The following FAM234A variants were observed in gnomAD, a reference collection of about 807,000 sequenced individuals.
The protein encoded by FAM234A is family with sequence similarity 234 member A, also known as protein FAM234A.
A neutral mutation model predicts 49.1 loss-of-function variants in FAM234A; 42 were observed. That is an observed-to-expected ratio of 0.86 (90% confidence interval 0.67 to 1.11). The LOEUF (loss-of-function observed/expected upper bound fraction) is 1.11, where lower values mean the gene tolerates loss of function less well. Ranked by LOEUF, FAM234A falls within the 50% of genes least tolerant of loss-of-function variation. The probability of loss-of-function intolerance (pLI) is 0.00; values close to 1 mark genes in which losing one functional copy is unlikely to be tolerated. For synonymous variants in FAM234A, 369 were observed against 316.2 expected (o/e 1.17, Z -1.77); for missense variants, 815 against 745.2 (o/e 1.09, Z -1.09).
intron 1 of FAM234A, among the ~76,000 whole-genome samples, chr16:242,762 A>G (rs1208162360): frequency 2.0e-5 from 3 of 151,484 alleles, no homozygotes; most frequent in Admixed American, 6.6e-5. Context: ...ACTGATGCAC[A>G]TCACCACGCC....
At chr16:266,911 C>T (rs543995413), downstream of FAM234A, among the ~76,000 whole-genome samples, 3 of 152,184 alleles carry the variant, frequency 2.0e-5, no homozygotes, top group South Asian at 2.1e-4. Context: ...GGCAGGGGGT[C>T]CCCAAAGGGA....
At chr16:241,495 G>A (rs575804072) in intron 1 of FAM234A, among the ~76,000 whole-genome samples, 5 of 151,214 alleles carry the variant, frequency 3.3e-5, no homozygotes, top group South Asian at 2.1e-4. Context: ...AGCCTGAGGC[G>A]GGAGGATCTC....
intron 3 of FAM234A, among the ~76,000 whole-genome samples, chr16:258,174 ATTG>A (rs1248746657): frequency 6.6e-5 from 6 of 91,058 alleles, no homozygotes; most frequent in African/African-American, 2.7e-4. Context: ...TTTTTTTTTT[ATTG>A]ATCATTCTTG....
chr16:259,256 A>G (rs1330088935), intron 3 of FAM234A, among the ~76,000 whole-genome samples: 1 of 152,152 alleles, frequency 6.6e-6, no homozygotes, highest in Non-Finnish European at 1.5e-5. Flanking sequence ...CTTAATGCCC[A>G]GATGTCCTGC....
intron 5 of FAM234A, 39 bp downstream of exon 5, chr16:260,199 C>G (rs773977154): frequency 6.3e-7 from 1 of 1,583,508 alleles, no homozygotes; most frequent in Admixed American, 1.7e-5. Context: ...CTGAGGGCCT[C>G]TCACCTGAGC....
In FAM234A at chr16:259,501, C is replaced by T; in HGVS notation, c.287C>T (p.Ala96Val). 1 of 1,603,058 alleles carries T rather than the reference C, an allele frequency of 6.2e-7. No individual in the cohort carries two copies. The highest frequency in any genetic ancestry group is 8.5e-7 in the Non-Finnish European group (1 of 1,170,218). Residue 96 changes from alanine to valine, a missense_variant, in exon 4 of 13, where the codon GCT (alanine) becomes GTT (valine). Physicochemically the swap from Ala to Val is moderately conservative, Grantham distance 64 (BLOSUM62 0). Transcript: ENST00000399932. ...YSAAVIYDFL[A>V]VDDINGDRIQ... ...CTTTCAGTTATCTATGACTTTCTGG[C>T]TGTGGATGATATAAACGGGGACAGG... is the stretch of plus-strand genomic sequence containing the variant.
At chr16:263,154 A>G in intron 8 of FAM234A, 108 bp from the exon 9 acceptor site, 1 of 1,321,954 alleles carries the variant, frequency 7.6e-7, no homozygotes, top group Non-Finnish European at 1.0e-6. Context: ...GAAACGGGTT[A>G]TGGGGGCCTA....
At chr16:268,919 T>C (rs1325598252), downstream of FAM234A, 2 of 1,550,302 alleles carry the variant, frequency 1.3e-6, no homozygotes, top group Middle Eastern at 1.7e-4. Flanking sequence ...GATTTACTGG[T>C]TTTAGAGATG....
chr16:237,734 C>CA (rs1226231284), intron 1 of FAM234A, among the ~76,000 whole-genome samples: 1 of 143,364 alleles, frequency 7.0e-6, no homozygotes, highest in African/African-American at 2.6e-5. Context: ...TTTTTTGAGA[C>CA]AGAGTCTTCC....
chr16:249,828 T>C (rs964855026), intron 2 of FAM234A, among the ~76,000 whole-genome samples, 174 bp downstream of exon 2: 1 of 152,126 alleles, frequency 6.6e-6, no homozygotes, highest in African/African-American at 2.4e-5. Context: ...GCTGCAATTT[T>C]AAAGCTCTTA....
downstream of FAM234A, among the ~76,000 whole-genome samples, chr16:266,410 G>A (rs547919580): frequency 1.3e-5 from 2 of 152,308 alleles, no homozygotes; most frequent in South Asian, 2.1e-4. Context: ...ACCGCGTGAC[G>A]TCTGAGGGCT....
At chr16:236,798 C>T (rs28610410) in intron 1 of FAM234A, among the ~76,000 whole-genome samples, 3,063 of 72,606 alleles carry the variant, frequency 0.042, 93 homozygotes, top group Middle Eastern at 0.085. Flanking sequence ...CCCAGCTACG[C>T]GGGAGGCTGA....
Position 261,377 on chromosome 16 carries a change from ATT to A in FAM234A, c.578-6_578-5del. The A allele has an allele frequency of 6.2e-7, 1 of 1,608,882 alleles. No homozygotes were observed. The highest frequency in any genetic ancestry group is 8.5e-7 in the Non-Finnish European group (1 of 1,175,934). On this transcript the variant is annotated splice_polypyrimidine_tract_variant and splice_region_variant and intron_variant, in intron 5 of 12. Transcript: ENST00000399932. ...GCCACGTTCCGTGACCGTGTGCTTG[ATT>A]CTAGGGGAAACCCTGTGGAACCACA...
chr16:245,085 C>T lies in FAM234A; in HGVS notation c.-139-4464C>T, dbSNP rs148393630. Among the ~76,000 whole-genome samples, 3 of 151,962 alleles carry T rather than the reference C, an allele frequency of 2.0e-5. No homozygotes were observed. In the East Asian group the frequency reaches 5.8e-4, roughly 30 times the overall value. ...CATTTTAAAATGCTTAACTTTTAGG[C>T]TGGGCGTGGCCCACACTTTGGGAGG... On this transcript the variant is annotated intron_variant, in intron 1 of 12. Transcript: ENST00000399932.
chr16:259,205 A>T (rs2051358696), intron 3 of FAM234A, among the ~76,000 whole-genome samples: 1 of 152,122 alleles, frequency 6.6e-6, no homozygotes. Context: ...TGGTCTAGGG[A>T]GGGATTTATC....
intron 1 of FAM234A, among the ~76,000 whole-genome samples, chr16:243,164 A>C (rs2050679422): frequency 6.6e-6 from 1 of 151,950 alleles, no homozygotes; most frequent in African/African-American, 2.4e-5. Context: ...CTTTTTGTAG[A>C]GATGGGGTCT....
intron 11 of FAM234A, 133 bp downstream of exon 11, chr16:264,304 C>A: frequency 9.8e-7 from 1 of 1,024,690 alleles, no homozygotes; most frequent in Non-Finnish European, 1.4e-6. Context: ...CAGTGACAGT[C>A]AGGATGAGGT....
At chr16:266,763 T>C (rs934530278), downstream of FAM234A, among the ~76,000 whole-genome samples, 2 of 145,138 alleles carry the variant, frequency 1.4e-5, no homozygotes, top group African/African-American at 2.4e-5. Flanking sequence ...CAGAAGGCCT[T>C]GGGTATGAAA....
At chr16:235,837 T>C (rs754374232) in intron 1 of FAM234A, among the ~76,000 whole-genome samples, 2 of 152,018 alleles carry the variant, frequency 1.3e-5, no homozygotes, top group Non-Finnish European at 2.9e-5. Context: ...AGGGTACAGA[T>C]AGTAAATTAG....
Sources: gnomAD v4.1 joint callset for allele counts (sites outside exome capture counted in the v4.1 genomes callset) on GRCh38, gnomAD v4.1.1 for gene constraint, MANE v1.5 for transcripts, NCBI Gene and HGNC (gene_info 2026-07-23, HGNC 2026-07-21) for gene names.